The following ZNF469 variants were observed in gnomAD, a reference collection of about 807,000 sequenced individuals.
ZNF469 encodes the protein zinc finger protein 469.
Under a neutral mutation model 1.0 loss-of-function variants are expected in ZNF469, and 1 was observed. That is an observed-to-expected ratio of 1.00 (90% CI 0.35 to 4.73). The LOEUF (loss-of-function observed/expected upper bound fraction) is 4.73, where lower values mean the gene tolerates loss of function less well. Among genes scored for constraint, ZNF469 ranks in the 30% most tolerant of loss-of-function variants. The pLI is 0.16. For synonymous variants in ZNF469, 2,703 were observed against 2,363.4 expected (o/e 1.14, Z -4.17); for missense variants, 6,100 against 5,356.3 (o/e 1.14, Z -4.33).
At chr16:88,287,035 A>C in the ZNF469 span, among the ~76,000 whole-genome samples, 2 of 151,928 alleles carry the variant, frequency 1.3e-5, no homozygotes, top group African/African-American at 4.8e-5. Context: ...TTACAGTTCT[A>C]CCCTATAACT....
the ZNF469 span, among the ~76,000 whole-genome samples, chr16:88,170,904 C>A: frequency 2.7e-5 from 4 of 148,996 alleles, no homozygotes; most frequent in South Asian, 8.5e-4. This position sits in a 1 kb window ranked among gnomAD's most constrained non-coding sequence, Gnocchi z 4.2. Context: ...CGCTCCACAC[C>A]CAGCACCAGG....
the ZNF469 span, among the ~76,000 whole-genome samples, chr16:88,366,431 TCAC>T: frequency 6.7e-3 from 997 of 149,584 alleles, 4 homozygotes; most frequent in Non-Finnish European, 8.2e-3. Context: ...ATCACTATTG[TCAC>T]CACAACCACC....
At chr16:88,420,344 AAGG>A (rs1436059906) in intron 1 of ZNF469, among the ~76,000 whole-genome samples, 1 of 152,102 alleles carries the variant, frequency 6.6e-6, no homozygotes, top group Non-Finnish European at 1.5e-5. Flanking sequence ...GACCGTTCAC[AAGG>A]AGGAGGAGCA....
At chr16:88,287,182 G>A in the ZNF469 span, among the ~76,000 whole-genome samples, 10 of 152,268 alleles carry the variant, frequency 6.6e-5, no homozygotes, top group South Asian at 8.3e-4. Context: ...GTTGTTGTCC[G>A]TAGCCGATGG....
the ZNF469 span, among the ~76,000 whole-genome samples, chr16:88,315,194 C>G: frequency 1.3e-5 from 2 of 152,198 alleles, no homozygotes; most frequent in South Asian, 2.1e-4. Context: ...GGCAAGTCAC[C>G]TAAGGTTGTG....
In ZNF469 at chr16:88,433,050, G is replaced by A. The variant is rs938985810; in HGVS notation, c.5580G>A (p.Ala1860=). 6.5e-6 allele frequency: 10 copies of A among 1,550,244 alleles called. No individual in the cohort carries two copies. Among genetic ancestry groups the A allele is most frequent in the African/African-American group, 4.1e-5 (3 of 73,048 alleles). ...TTGAGGGTAATGAGTTTGCACCGGCGGGGGCCTCCTCACTGACTGCCCCCC... is the reference window on the plus strand; with the variant it reads ...TTGAGGGTAATGAGTTTGCACCGGCAGGGGCCTCCTCACTGACTGCCCCCC... ...PGFEGNEFAP[A]GASSLTAPRG... Residue 1860 remains alanine (A), a synonymous_variant, in exon 3 of 3, where the codon GCG becomes GCA. Transcript: ENST00000565624.
the ZNF469 span, among the ~76,000 whole-genome samples, chr16:88,351,108 G>A: frequency 6.6e-6 from 1 of 152,226 alleles, no homozygotes; most frequent in Non-Finnish European, 1.5e-5. Context: ...TCTTCAGCAT[G>A]TCGGGGTCAG....
the ZNF469 span, among the ~76,000 whole-genome samples, chr16:88,150,242 G>A: frequency 2.6e-5 from 4 of 151,878 alleles, no homozygotes; most frequent in African/African-American, 7.3e-5. Context: ...CCCGAGAGGC[G>A]GAGGTTGCAG....
the ZNF469 span, among the ~76,000 whole-genome samples, chr16:88,104,289 C>T: frequency 2.8e-3 from 426 of 151,422 alleles, 2 homozygotes; most frequent in African/African-American, 8.7e-3. Context: ...TATTGAGATA[C>T]GCTTCACATA....
intron 1 of ZNF469, among the ~76,000 whole-genome samples, chr16:88,413,826 A>C (rs1597198806): frequency 6.6e-6 from 1 of 152,188 alleles, no homozygotes; most frequent in South Asian, 2.1e-4. Flanking sequence ...CCTCCGCAGC[A>C]GTGGGGAGAG....
At chr16:88,281,430 C>T in the ZNF469 span, among the ~76,000 whole-genome samples, 9 of 145,540 alleles carry the variant, frequency 6.2e-5, no homozygotes, top group South Asian at 1.1e-3. Flanking sequence ...TGGTCAGTAC[C>T]ATGCATGGGT....
chr16:88,132,515 G>T, the ZNF469 span, among the ~76,000 whole-genome samples: 2 of 152,232 alleles, frequency 1.3e-5, no homozygotes, highest in African/African-American at 2.4e-5. Context: ...GCCGTCCAGT[G>T]TCACAAACTC....
Position 88,427,968 on chromosome 16 carries a change from C to A in ZNF469, c.498C>A (p.Leu166=). 1 of 1,549,978 alleles carries A rather than the reference C, an allele frequency of 6.5e-7. No homozygotes were observed. Among genetic ancestry groups the A allele is most frequent in the Non-Finnish European group, 8.7e-7 (1 of 1,146,878 alleles). Residue 166 remains leucine, a synonymous_variant, in exon 3 of 3, where the codon CTC becomes CTA. Coordinates refer to ENST00000565624, the MANE Select transcript of ZNF469 (RefSeq NM_001367624.2). The part of the protein sequence containing the change: ...PGTGAPLRPG[L]PRTEAQPAAE... ...CTGGAGCTCCACTCAGGCCGGGCCT[C>A]CCAAGGACTGAGGCCCAACCCGCCG...
At chr16:88,120,572 C>T in the ZNF469 span, among the ~76,000 whole-genome samples, 4 of 152,216 alleles carry the variant, frequency 2.6e-5, no homozygotes, top group Admixed American at 2.0e-4. Flanking sequence ...AGCTCCACGG[C>T]CGCAGCAGGG....
intron 1 of ZNF469, among the ~76,000 whole-genome samples, chr16:88,404,546 G>A (rs1175000797): frequency 2.0e-5 from 3 of 152,240 alleles, no homozygotes; most frequent in Non-Finnish European, 2.9e-5. Flanking sequence ...CAGTGGGGAT[G>A]TCGTCTGTGC....
At chr16:88,125,408 C>T in the ZNF469 span, among the ~76,000 whole-genome samples, 3 of 152,330 alleles carry the variant, frequency 2.0e-5, no homozygotes, top group East Asian at 1.9e-4. Context: ...AAGAGGGAAT[C>T]CTCCCTAAGT....
chr16:88,309,595 C>CG, the ZNF469 span, among the ~76,000 whole-genome samples: 1 of 143,040 alleles, frequency 7.0e-6, no homozygotes, highest in Non-Finnish European at 1.5e-5. Flanking sequence ...GGACAACTGG[C>CG]GGGGGTAGTG....
chr16:88,143,140 G>A, the ZNF469 span, among the ~76,000 whole-genome samples: 1 of 151,376 alleles, frequency 6.6e-6, no homozygotes, highest in East Asian at 1.9e-4. Context: ...CTGGGGGGGT[G>A]GGGGGCTCAG....
chr16:88,389,886 C>T (rs1904437166), intron 1 of ZNF469, among the ~76,000 whole-genome samples: 1 of 152,184 alleles, frequency 6.6e-6, no homozygotes, highest in South Asian at 2.1e-4. Context: ...CTCCTGAACA[C>T]TTACCTGTCC....
Sources: allele counts gnomAD v4.1 joint callset (sites outside exome capture counted in the v4.1 genomes callset), GRCh38; gene constraint gnomAD v4.1.1; non-coding constraint Gnocchi (gnomAD v3.1); transcripts MANE v1.5; gene names NCBI Gene and HGNC (gene_info 2026-07-23, HGNC 2026-07-21).